The following USP6 variants were observed in gnomAD, a reference collection of about 807,000 sequenced individuals.
The protein encoded by USP6 is ubiquitin specific peptidase 6, also known as ubiquitin carboxyl-terminal hydrolase 6.
USP6 carries 128 observed loss-of-function variants against 175.7 expected under a neutral mutation model. The observed-to-expected ratio is 0.73, with a 90% CI of 0.63 to 0.84. USP6 has a LOEUF of 0.84. USP6 is among the 40% of genes least tolerant of loss of function. The pLI is 0.00. For missense variants in USP6, 1,498 were observed against 1,760.3 expected (o/e 0.85, Z 2.67); for synonymous variants, 562 against 630.6 (o/e 0.89, Z 1.63).
At chr17:5,119,427 CT>C (rs770296356) in intron 2 of USP6, among the ~76,000 whole-genome samples, 5 of 152,178 alleles carry the variant, frequency 3.3e-5, no homozygotes, top group Admixed American at 6.5e-5. Context: ...AAAATTAACT[CT>C]TTTGTCCTTC....
intron 18 of USP6, 39 bp from the exon 19 acceptor site, chr17:5,137,082 A>G: frequency 6.2e-7 from 1 of 1,603,932 alleles, no homozygotes; most frequent in Non-Finnish European, 8.5e-7. Context: ...TTTTTAGGGC[A>G]GCCCAGGGGG....
At chr17:5,142,310 T>C in intron 24 of USP6, 87 bp from the exon 25 acceptor site, 1 of 1,546,474 alleles carries the variant, frequency 6.5e-7, no homozygotes, top group Non-Finnish European at 8.7e-7. Flanking sequence ...AGAAAAGATA[T>C]TTTGATGTGA....
At chr17:5,162,399 C>T (rs1286244822) in intron 32 of USP6, among the ~76,000 whole-genome samples, 1 of 152,194 alleles carries the variant, frequency 6.6e-6, no homozygotes, top group East Asian at 1.9e-4. Context: ...CCACCCACCT[C>T]AGCCTCCCAA....
At chr17:5,136,277 A>G (rs1434388705) in intron 17 of USP6, among the ~76,000 whole-genome samples, 1 of 152,074 alleles carries the variant, frequency 6.6e-6, no homozygotes, top group South Asian at 2.1e-4. Context: ...GTGCCCACAA[A>G]TGGGCTGACC....
intron 31 of USP6, among the ~76,000 whole-genome samples, chr17:5,158,995 G>T (rs957062180): frequency 2.0e-5 from 3 of 152,172 alleles, no homozygotes; most frequent in African/African-American, 7.2e-5. Flanking sequence ...TTTTATAGTT[G>T]TGTAAAGAAT....
rs961553458 is a variant in USP6 at position 5,130,761 on chromosome 17, C to T, written c.155+77C>T. ...GGGATGGGTTTGCTTTTAGAAAGGC[C>T]TTTCTGATGCAGGACATGTCTCGCT... On this transcript the variant is annotated intron_variant, in intron 11 of 37. Transcript: ENST00000574788. 6 of 1,553,258 alleles carry T rather than the reference C, an allele frequency of 3.9e-6. No individual in the cohort carries two copies. The African/African-American group carries it at 8.1e-5, about 21-fold the overall frequency.
rs577048685 is a variant in USP6 at position 5,162,996 on chromosome 17, C to T, written c.3028C>T (p.Gln1010Ter). 5.9e-5 allele frequency: 93 copies of T among 1,580,242 alleles called. 1 individual carries two copies. In the East Asian group the frequency reaches 6.2e-4, roughly 11 times the overall value. Reference protein sequence around the residue: ...TALHLRYQTSQERVVDKHESV... With the variant: ...TALHLRYQTS ...CCTTCACCTTCGCTATCAAACATCC[C>T]AGGAAAGGGTAAGAATTTAGGGCCA... The change falls in exon 33 of 38, where the codon CAG becomes TAG. Residue 1010 changes from glutamine (Q) to a stop codon, truncating the protein, a stop_gained. Transcript: ENST00000574788. LOFTEE classifies it high-confidence loss of function.
rs1297663992 is a variant in USP6 at position 5,174,390 on chromosome 17, C to T, written c.*1412C>T. On this transcript the variant is annotated 3_prime_UTR_variant, in exon 38 of 38. Transcript: ENST00000574788. ...TCATAGGTAGTAATTACCAATGTAA[C>T]TAAGCATTTGTGTTCTGATATCTGA... 1 of 190,878 alleles carries T rather than the reference C, an allele frequency of 5.2e-6. No homozygotes were observed. Among genetic ancestry groups the T allele is most frequent in the Non-Finnish European group, 1.1e-5 (1 of 91,018 alleles). The allele number at this position is 190,878 out of a possible 1,614,324, so 11.8% of individuals were successfully genotyped here.
chr17:5,117,342 C>T (rs575969067), intron 1 of USP6, among the ~76,000 whole-genome samples: 1 of 152,050 alleles, frequency 6.6e-6, no homozygotes, highest in East Asian at 1.9e-4. Context: ...ATGGTGAAAC[C>T]CCCTCTCTAC....
intron 30 of USP6, among the ~76,000 whole-genome samples, chr17:5,153,440 C>G (rs1384713076): frequency 2.0e-5 from 3 of 151,796 alleles, no homozygotes; most frequent in African/African-American, 7.3e-5. Context: ...GCATGCGCCA[C>G]CACGCCCGGC....
At chr17:5,158,313 T>TC (rs1356162028) in intron 31 of USP6, among the ~76,000 whole-genome samples, 1 of 152,072 alleles carries the variant, frequency 6.6e-6, no homozygotes, top group African/African-American at 2.4e-5. Context: ...ATGCCTGTAG[T>TC]CCCAGCACTT....
At chr17:5,148,816 G>T (rs367973908) in intron 30 of USP6, 49 bp downstream of exon 30, 1,408 of 1,590,576 alleles carry the variant, frequency 8.9e-4, no homozygotes, top group Non-Finnish European at 1.1e-3. Context: ...AGTGTCATTT[G>T]TGAAATAGCC....
chr17:5,144,686 A>G lies in USP6; in HGVS notation c.1819-4A>G, dbSNP rs761531975. The G allele has an allele frequency of 6.2e-6, 10 of 1,613,272 alleles. No homozygotes were observed. In the South Asian group the frequency reaches 9.9e-5, roughly 16 times the overall value. On this transcript the variant is annotated splice_region_variant and splice_polypyrimidine_tract_variant and intron_variant, in intron 25 of 37. Coordinates refer to ENST00000574788, the MANE Select transcript of USP6 (RefSeq NM_001304284.2). ...AATGACTGTGACTTCTCTTATATTT[A>G]TAGCGGACCATAGCAAAATATGCTC...
At chr17:5,122,785 G>A (rs1202604877) in intron 4 of USP6, among the ~76,000 whole-genome samples, 5 of 152,262 alleles carry the variant, frequency 3.3e-5, no homozygotes, top group African/African-American at 9.6e-5. Flanking sequence ...GTCCGGTAGG[G>A]CGAGGGGTCG....
intron 37 of USP6, 103 bp from the exon 38 acceptor site, chr17:5,172,702 A>C: frequency 6.7e-7 from 1 of 1,498,906 alleles, no homozygotes; most frequent in South Asian, 1.3e-5. Context: ...TATTGGAAGC[A>C]ATCAGGTTAG....
chr17:5,147,337 A>T (rs2073641224), intron 29 of USP6, 143 bp downstream of exon 29: 1 of 1,038,286 alleles, frequency 9.6e-7, no homozygotes, highest in Admixed American at 3.6e-5. Flanking sequence ...TGATTATTCC[A>T]TATTTTTTCG....
chr17:5,139,328 G>GTA lies in USP6; in HGVS notation c.1155_1156dup (p.Arg386IlefsTer79). On this transcript the variant is annotated frameshift_variant, in exon 22 of 38. Coordinates refer to ENST00000574788, the MANE Select transcript of USP6 (RefSeq NM_001304284.2). LOFTEE classifies it high-confidence loss of function. Reference sequence around the variant, plus strand: ...GTGGTGGGAAGACCCTCTGCAAGGGGTATAGGCAGGCCCCTCCAGGCCCAC... The same window carrying GTA: ...GTGGTGGGAAGACCCTCTGCAAGGGGTATATAGGCAGGCCCCTCCAGGCCCAC... 1 of 1,611,816 alleles carries GTA rather than the reference G, an allele frequency of 6.2e-7. No individual in the cohort carries two copies. The highest frequency in any genetic ancestry group is 8.5e-7 in the Non-Finnish European group (1 of 1,180,026).
rs1182872829 is a variant in USP6 at position 5,132,129 on chromosome 17, A to G, written c.156-267A>G. The G allele has an allele frequency of 2.3e-6, 3 of 1,283,434 alleles. No homozygotes were observed. In the African/African-American group the frequency reaches 4.5e-5, roughly 19 times the overall value. The allele number at this position is 1,283,434 out of a possible 1,614,324, so 79.5% of individuals were successfully genotyped here. A position where few individuals can be genotyped will look rare whatever the true frequency, so the allele number is the denominator to read the frequency against. On this transcript the variant is annotated intron_variant, in intron 11 of 37. Coordinates refer to ENST00000574788, the MANE Select transcript of USP6 (RefSeq NM_001304284.2). This position sits in a 1 kb window ranked among gnomAD's most constrained non-coding sequence, Gnocchi z 4.7. ...GCACCACCTCAAGTCCAGGATGGGC[A>G]GCCCCACTGTGGCCTGACCACCCCC...
intron 36 of USP6, among the ~76,000 whole-genome samples, 186 bp downstream of exon 36, chr17:5,171,101 C>T (rs1281835028): frequency 6.6e-6 from 1 of 152,130 alleles, no homozygotes; most frequent in Non-Finnish European, 1.5e-5. Context: ...GTAATCCCAG[C>T]ACTTTAGAAG....
Sources: gnomAD v4.1 joint callset for allele counts (sites outside exome capture counted in the v4.1 genomes callset) on GRCh38, gnomAD v4.1.1 for gene constraint, Gnocchi (gnomAD v3.1) non-coding constraint, MANE v1.5 for transcripts, NCBI Gene and HGNC (gene_info 2026-07-23, HGNC 2026-07-21) for gene names.